Variants in TRIO observed in about 807,000 individuals in gnomAD.
TRIO encodes the protein triple functional domain protein.
In TRIO, 58 loss-of-function variants were observed where a neutral mutation model predicts 351.9. The observed-to-expected ratio is 0.16, with a 90% CI of 0.13 to 0.21. The LOEUF (loss-of-function observed/expected upper bound fraction) is 0.21, where lower values mean the gene tolerates loss of function less well. Ranked by LOEUF, TRIO falls within the 10% of genes least tolerant of loss-of-function variation. The probability of loss-of-function intolerance (pLI) is 1.00; values close to 1 mark genes in which losing one functional copy is unlikely to be tolerated. For synonymous variants in TRIO, 1,758 were observed against 1,595.7 expected, an observed-to-expected ratio of 1.10 and a Z score of -2.42; for missense variants, 3,201 against 4,027.8, an observed-to-expected ratio of 0.79 and a Z score of 5.56.
chr5:14,357,107 G>A lies in TRIO; in HGVS notation c.2047-1071G>A, dbSNP rs756031766. ...ATGTCAGTTAGTCCTCAGTAAAGCC[G>A]TTTTGTAAAAAGCTTGGCTTGGAAA... On this transcript the variant is annotated intron_variant, in intron 11 of 56. Transcript: ENST00000344204. 3.9e-4 allele frequency among the ~76,000 whole-genome samples: 60 copies of A among 152,224 alleles called. 1 individual carries two copies. Among genetic ancestry groups the A allele is most frequent in the Non-Finnish European group, 1.6e-4 (11 of 68,042 alleles).
At chr5:14,470,004 A>T (rs1172985958) in intron 37 of TRIO, among the ~76,000 whole-genome samples, 1 of 152,216 alleles carries the variant, frequency 6.6e-6, no homozygotes, top group Non-Finnish European at 1.5e-5. Context: ...TCAAAAACAG[A>T]TGTGATCTGA....
At chr5:14,371,228 T>TA (rs1484717226) in intron 18 of TRIO, among the ~76,000 whole-genome samples, 6 of 152,226 alleles carry the variant, frequency 3.9e-5, no homozygotes, top group African/African-American at 7.2e-5. Context: ...ATTTTTGACT[T>TA]ACGATTTTTT....
At chr5:14,219,850 T>G (rs1236399964) in intron 1 of TRIO, among the ~76,000 whole-genome samples, 1 of 152,154 alleles carries the variant, frequency 6.6e-6, no homozygotes, top group Non-Finnish European at 1.5e-5. Context: ...CCAGCAGTTT[T>G]TTTTTTTTAA....
intron 37 of TRIO, among the ~76,000 whole-genome samples, chr5:14,470,674 G>T (rs1210682408): frequency 6.6e-6 from 1 of 152,234 alleles, no homozygotes. Context: ...CCAAAAGCCA[G>T]TGGGGGAAAG....
At chr5:14,244,450 A>C (rs961133912) in intron 1 of TRIO, among the ~76,000 whole-genome samples, 1 of 152,188 alleles carries the variant, frequency 6.6e-6, no homozygotes, top group Admixed American at 6.5e-5. Context: ...CTGGGTTTTC[A>C]TAGTAGTATG....
intron 11 of TRIO, among the ~76,000 whole-genome samples, chr5:14,357,592 G>T (rs1743737138): frequency 6.6e-6 from 1 of 152,078 alleles, no homozygotes; most frequent in African/African-American, 2.4e-5. Flanking sequence ...TTCCGTTGAA[G>T]GCCCGAACTG....
intron 1 of TRIO, among the ~76,000 whole-genome samples, chr5:14,264,061 T>C (rs1795507219): frequency 6.6e-6 from 1 of 152,202 alleles, no homozygotes; most frequent in Non-Finnish European, 1.5e-5. Flanking sequence ...TCCCTTCCAT[T>C]GGTCTGTGAT....
intron 28 of TRIO, among the ~76,000 whole-genome samples, chr5:14,395,315 C>T (rs1463134943): frequency 6.6e-6 from 1 of 152,210 alleles, no homozygotes; most frequent in Non-Finnish European, 1.5e-5. Flanking sequence ...AGTCAGGAGG[C>T]TAATTTGTTC....
At chr5:14,381,010 A>C (rs10064105) in intron 20 of TRIO, 120 bp from the exon 21 acceptor site, 1 of 1,313,782 alleles carries the variant, frequency 7.6e-7, no homozygotes, top group Non-Finnish European at 1.0e-6. Context: ...CTGGGAGGGA[A>C]TGCTTCTCGA....
intron 13 of TRIO, among the ~76,000 whole-genome samples, chr5:14,360,051 C>T (rs575546757): frequency 6.6e-6 from 1 of 152,068 alleles, no homozygotes; most frequent in Admixed American, 6.5e-5. Flanking sequence ...TTGCTTCCTC[C>T]CTTTCTCTTT....
At chr5:14,334,055 A>G (rs1448259783) in intron 10 of TRIO, among the ~76,000 whole-genome samples, 3 of 152,144 alleles carry the variant, frequency 2.0e-5, no homozygotes, top group Non-Finnish European at 2.9e-5. Context: ...TGTTTTAACA[A>G]TCCCAGCTCT....
intron 1 of TRIO, among the ~76,000 whole-genome samples, chr5:14,182,042 TATC>T (rs1202500797): frequency 2.0e-5 from 3 of 152,352 alleles, no homozygotes; most frequent in African/African-American, 7.2e-5. Context: ...ACTTCCCACA[TATC>T]ATTGAATTTC....
chr5:14,461,281 G>A lies in TRIO; in HGVS notation c.5466G>A (p.Ala1822=). The change falls in exon 35 of 57, where the codon GCG becomes GCA. Residue 1822 remains alanine (A), a synonymous_variant. Transcript: ENST00000344204. ...AGSQKDSDDS[A]ATPQDETVEE... The stretch of plus-strand genomic sequence containing the variant: ...CGCAGAAGGACTCCGACGACAGTGC[G>A]GCCACCCCGCAGGACGAGACGGTCG... The A allele has an allele frequency of 6.3e-7, 1 of 1,594,886 alleles. No individual in the cohort carries two copies. The highest frequency in any genetic ancestry group is 8.5e-7 in the Non-Finnish European group (1 of 1,171,778).
intron 29 of TRIO, among the ~76,000 whole-genome samples, chr5:14,398,669 C>G (rs1281533683): frequency 6.6e-6 from 1 of 152,040 alleles, no homozygotes; most frequent in Non-Finnish European, 1.5e-5. Flanking sequence ...TGTTTTTGAA[C>G]AAAGGAAAAT....
At chr5:14,343,079 C>G (rs1358196216) in intron 11 of TRIO, among the ~76,000 whole-genome samples, 1 of 118,844 alleles carries the variant, frequency 8.4e-6, no homozygotes, top group African/African-American at 3.3e-5. Flanking sequence ...TATAGAATCA[C>G]AGAAAGTTGC....
chr5:14,151,408 G>GTA (rs1185908769), intron 1 of TRIO, among the ~76,000 whole-genome samples: 2 of 142,316 alleles, frequency 1.4e-5, no homozygotes, highest in African/African-American at 2.7e-5. Context: ...GTGTGTGTGT[G>GTA]TATGTATGTA....
intron 9 of TRIO, among the ~76,000 whole-genome samples, chr5:14,330,504 T>A (rs781645823): frequency 1.5e-4 from 23 of 152,266 alleles, no homozygotes; most frequent in Non-Finnish European, 2.8e-4. Flanking sequence ...TTTAATTTAA[T>A]CATTATTGCA....
intron 5 of TRIO, among the ~76,000 whole-genome samples, chr5:14,291,788 T>TAAAAAAAA (rs57424190): frequency 0.033 from 3,352 of 100,400 alleles, 129 homozygotes; most frequent in Admixed American, 0.045. Flanking sequence ...GACTCCGTCT[T>TAAAAAAAA]AAAAAAAAAA....
intron 4 of TRIO, among the ~76,000 whole-genome samples, chr5:14,287,323 G>T (rs1736536515): frequency 1.3e-5 from 2 of 152,194 alleles, no homozygotes; most frequent in Admixed American, 1.3e-4. Context: ...TGAGGCCTTG[G>T]CAGAGAAGCT....
Sources: gnomAD v4.1 joint callset for allele counts (sites outside exome capture counted in the v4.1 genomes callset) on GRCh38, gnomAD v4.1.1 for gene constraint, MANE v1.5 for transcripts, NCBI Gene and HGNC (gene_info 2026-07-23, HGNC 2026-07-21) for gene names.